The following PRPF18 variants were observed in gnomAD, a reference collection of about 807,000 sequenced individuals.
The protein encoded by PRPF18 is pre-mRNA processing factor 18.
A neutral mutation model predicts 46.5 loss-of-function variants in PRPF18; 38 were observed. That is an observed-to-expected ratio of 0.82 (90% CI 0.63 to 1.07). PRPF18 has a LOEUF of 1.07. PRPF18 is among the 50% of genes least tolerant of loss of function. The pLI, the probability that PRPF18 is intolerant of heterozygous loss-of-function variation, is 0.00. For missense variants in PRPF18, 263 were observed against 410.0 expected, an observed-to-expected ratio of 0.64 and a Z score of 3.10; for synonymous variants, 152 against 146.7, an observed-to-expected ratio of 1.04 and a Z score of -0.26.
intron 4 of PRPF18, among the ~76,000 whole-genome samples, chr10:13,608,330 G>A (rs1264180234): frequency 3.3e-5 from 5 of 152,198 alleles, no homozygotes; most frequent in African/African-American, 1.2e-4. Flanking sequence ...CTTTCCTGGC[G>A]TCTCAGTTGG....
chr10:13,651,897 C>G, the PRPF18 span: 2 of 1,484,660 alleles, frequency 1.3e-6, no homozygotes, highest in African/African-American at 1.4e-5. Flanking sequence ...ACTCCCCTTA[C>G]GGTACCTCTA....
chr10:13,642,285 A>G, the PRPF18 span: 7 of 152,244 alleles, frequency 4.6e-5, no homozygotes, highest in African/African-American at 7.2e-5. Flanking sequence ...CGTCCATGAG[A>G]GTAAGCTTTT....
chr10:13,632,216 C>A (rs1165243428), downstream of PRPF18, among the ~76,000 whole-genome samples: 1 of 152,142 alleles, frequency 6.6e-6, no homozygotes, highest in Non-Finnish European at 1.5e-5. Flanking sequence ...TGGCGGGTGC[C>A]TGTAGTCCCA....
At chr10:13,607,051 T>C (rs1438910259) in intron 4 of PRPF18, among the ~76,000 whole-genome samples, 1 of 152,180 alleles carries the variant, frequency 6.6e-6, no homozygotes, top group Non-Finnish European at 1.5e-5. Flanking sequence ...TTTCATAAAG[T>C]TGTGTTCATT....
intron 4 of PRPF18, 139 bp downstream of exon 4, chr10:13,605,883 A>G (rs1589125704): frequency 8.0e-7 from 1 of 1,248,548 alleles, no homozygotes; most frequent in Non-Finnish European, 1.0e-6. Flanking sequence ...GTTTTCATTA[A>G]TTTTTTGAAA....
intron 9 of PRPF18, among the ~76,000 whole-genome samples, chr10:13,622,421 C>A (rs935833809): frequency 2.0e-5 from 3 of 152,204 alleles, no homozygotes; most frequent in Admixed American, 6.5e-5. Context: ...TTACATCTTA[C>A]ATTTCTCAAC....
chr10:13,617,013 A>G (rs2133828431), intron 9 of PRPF18, among the ~76,000 whole-genome samples: 1 of 152,374 alleles, frequency 6.6e-6, no homozygotes, highest in East Asian at 1.9e-4. Flanking sequence ...AGCACGTAAC[A>G]ACACTTCTTT....
chr10:13,655,595 T>G, the PRPF18 span: 3 of 151,400 alleles, frequency 2.0e-5, no homozygotes, highest in Non-Finnish European at 2.9e-5. Flanking sequence ...CCTGGCTCGC[T>G]AGGGCATCCA....
chr10:13,605,987 A>G (rs2080178553), intron 4 of PRPF18, among the ~76,000 whole-genome samples: 1 of 152,176 alleles, frequency 6.6e-6, no homozygotes, highest in Non-Finnish European at 1.5e-5. Flanking sequence ...CATTTTCGTC[A>G]CCAAAGAAAT....
the PRPF18 span, chr10:13,646,264 A>G: frequency 6.6e-6 from 1 of 152,658 alleles, no homozygotes; most frequent in Admixed American, 6.5e-5. Flanking sequence ...TCAGAATTTA[A>G]AAGAAATTTC....
At chr10:13,650,495 G>T in the PRPF18 span, among the ~76,000 whole-genome samples, 3 of 152,164 alleles carry the variant, frequency 2.0e-5, no homozygotes, top group Admixed American at 1.3e-4. Flanking sequence ...TTCAAACCTG[G>T]TTAATTCTAC....
At chr10:13,604,694 G>A (rs987272298) in intron 3 of PRPF18, among the ~76,000 whole-genome samples, 7 of 152,138 alleles carry the variant, frequency 4.6e-5, no homozygotes, top group Admixed American at 2.6e-4. Flanking sequence ...TGGTCCTATC[G>A]AAGCAGTGAG....
intron 3 of PRPF18, among the ~76,000 whole-genome samples, chr10:13,604,249 C>T (rs1215943432): frequency 6.6e-6 from 1 of 152,084 alleles, no homozygotes; most frequent in Non-Finnish European, 1.5e-5. Context: ...AGGTGTGATG[C>T]TATTTATGCT....
chr10:13,595,524 A>C (rs1035207483), intron 1 of PRPF18, among the ~76,000 whole-genome samples: 8 of 152,236 alleles, frequency 5.3e-5, no homozygotes, highest in African/African-American at 1.4e-4. Flanking sequence ...GGAGTGAAGA[A>C]CTGTAGCTTG....
At chr10:13,592,062 G>GCC (rs2079970763) in intron 1 of PRPF18, 1 of 579,840 alleles carries the variant, frequency 1.7e-6, no homozygotes, top group Admixed American at 2.4e-5. Context: ...TGTAACAGTT[G>GCC]CAAGAACCTT....
the PRPF18 span, chr10:13,642,503 C>G: frequency 1.3e-5 from 2 of 152,218 alleles, no homozygotes; most frequent in African/African-American, 4.8e-5. Context: ...TTTGTGTTCT[C>G]TAATAATTAA....
chr10:13,631,825 G>A (rs2080592646), downstream of PRPF18: 1 of 152,252 alleles, frequency 6.6e-6, no homozygotes, highest in East Asian at 1.9e-4. Context: ...CACCAAGTAG[G>A]GGGATGTAGA....
chr10:13,641,883 T>A, the PRPF18 span: 1 of 152,048 alleles, frequency 6.6e-6, no homozygotes, highest in Non-Finnish European at 1.5e-5. Flanking sequence ...AATGGATAAA[T>A]GAAGGAGAAA....
intron 8 of PRPF18, among the ~76,000 whole-genome samples, chr10:13,615,069 G>A (rs759149052): frequency 6.6e-6 from 1 of 152,236 alleles, no homozygotes; most frequent in Non-Finnish European, 1.5e-5. Context: ...TTAAGAGCCA[G>A]CCAGTTTTCT....
Sources: gnomAD v4.1 joint callset for allele counts (sites outside exome capture counted in the v4.1 genomes callset) on GRCh38, gnomAD v4.1.1 for gene constraint, MANE v1.5 for transcripts, NCBI Gene and HGNC (gene_info 2026-07-23, HGNC 2026-07-21) for gene names.